Variants in UGGT2 observed in about 807,000 individuals in gnomAD.
The protein encoded by UGGT2 is UDP-glucose glycoprotein glucosyltransferase 2.
UGGT2 carries 180 observed loss-of-function variants against 192.1 expected under a neutral mutation model. The observed-to-expected ratio is 0.94, with a 90% CI of 0.83 to 1.06. The LOEUF (loss-of-function observed/expected upper bound fraction) is 1.06. Among genes scored for constraint, UGGT2 ranks in the 50% least tolerant of loss-of-function variants. The pLI, the probability that UGGT2 is intolerant of heterozygous loss-of-function variation, is 0.00. For synonymous variants in UGGT2, 580 were observed against 591.0 expected (o/e 0.98, Z 0.27); for missense variants, 1,849 against 1,795.7 (o/e 1.03, Z -0.54).
At chr13:95,836,197 T>C (rs1180693170) in intron 37 of UGGT2, among the ~76,000 whole-genome samples, 1 of 152,156 alleles carries the variant, frequency 6.6e-6, no homozygotes, top group African/African-American at 2.4e-5. Context: ...TACAGGCATG[T>C]GCCACCACGC....
intron 17 of UGGT2, among the ~76,000 whole-genome samples, chr13:95,929,054 C>T (rs1253738955): frequency 6.6e-6 from 1 of 152,044 alleles, no homozygotes; most frequent in African/African-American, 2.4e-5. Context: ...ACCAGTCAGG[C>T]GTGGCGGCGC....
At chr13:95,912,495 A>G (rs1447774029) in intron 20 of UGGT2, among the ~76,000 whole-genome samples, 2 of 152,220 alleles carry the variant, frequency 1.3e-5, no homozygotes, top group Admixed American at 1.3e-4. Context: ...GAATTGCTAC[A>G]AAGAGAATAA....
chr13:95,918,585 C>T lies in UGGT2; in HGVS notation c.2295+7095G>A, dbSNP rs151289209. Among the ~76,000 whole-genome samples the T allele has an allele frequency of 4.8e-4, 73 of 152,116 alleles. 1 individual carries two copies. The East Asian group carries it at 0.013, about 26-fold the overall frequency. ...ACTCTTCAAAAAAAATCAACCAATC[C>T]AGGACCTGTTTTTAGAAAAAAAGTA... On this transcript the variant is annotated intron_variant, in intron 20 of 38. Transcript: ENST00000376747.
intron 8 of UGGT2, among the ~76,000 whole-genome samples, chr13:95,988,779 A>T (rs139854890): frequency 2.0e-4 from 31 of 152,268 alleles, no homozygotes; most frequent in African/African-American, 7.2e-4. Flanking sequence ...TATTCTGTTA[A>T]GTGTATATAA....
intron 10 of UGGT2, among the ~76,000 whole-genome samples, chr13:95,978,916 T>C (rs1465911652): frequency 1.3e-5 from 2 of 152,208 alleles, no homozygotes; most frequent in African/African-American, 2.4e-5. Flanking sequence ...ACAAAGTAGT[T>C]AGAAATAATT....
chr13:95,995,897 A>T (rs1232830108), intron 7 of UGGT2, 166 bp downstream of exon 7: 4 of 609,948 alleles, frequency 6.6e-6, no homozygotes, highest in Non-Finnish European at 1.1e-5. Flanking sequence ...GCTTTTTGAC[A>T]TTAGCCATGT....
At chr13:95,925,992 G>T in intron 19 of UGGT2, among the ~76,000 whole-genome samples, 1 of 151,632 alleles carries the variant, frequency 6.6e-6, no homozygotes, top group East Asian at 1.9e-4. Flanking sequence ...TGCTACAAGG[G>T]TAATTCATTA....
chr13:95,869,766 T>C (rs1157545807), intron 29 of UGGT2, among the ~76,000 whole-genome samples: 1 of 152,152 alleles, frequency 6.6e-6, no homozygotes, highest in Non-Finnish European at 1.5e-5. Flanking sequence ...TCAGAGGAAA[T>C]GGACTTCATT....
At chr13:95,852,650 T>C (rs1594150138) in intron 36 of UGGT2, among the ~76,000 whole-genome samples, 2 of 152,260 alleles carry the variant, frequency 1.3e-5, no homozygotes, top group East Asian at 3.9e-4. Flanking sequence ...ATGGTTGTGA[T>C]AAAAATAAGA....
chr13:95,906,183 C>T (rs1264546452), intron 20 of UGGT2, among the ~76,000 whole-genome samples: 1 of 152,082 alleles, frequency 6.6e-6, no homozygotes, highest in Non-Finnish European at 1.5e-5. Flanking sequence ...TGACAATTTC[C>T]ACAAAAATTT....
At chr13:96,053,029 G>T in intron 1 of UGGT2, 126 bp downstream of exon 1, 2 of 1,289,740 alleles carry the variant, frequency 1.6e-6, no homozygotes, top group Non-Finnish European at 2.0e-6. Flanking sequence ...TGATGCTCAG[G>T]GCCAGAGCGG....
intron 2 of UGGT2, among the ~76,000 whole-genome samples, chr13:96,028,489 T>C (rs1033417784): frequency 6.6e-6 from 1 of 152,232 alleles, no homozygotes; most frequent in Admixed American, 6.5e-5. Flanking sequence ...GGGTGACATT[T>C]CTCACCTCAC....
chr13:95,883,873 GT>G (rs1327884482), intron 27 of UGGT2, among the ~76,000 whole-genome samples: 1 of 151,984 alleles, frequency 6.6e-6, no homozygotes, highest in African/African-American at 2.4e-5. Context: ...AAAAGACTCA[GT>G]TTAATACTTT....
At chr13:95,962,071 G>A (rs758882021) in intron 12 of UGGT2, among the ~76,000 whole-genome samples, 1 of 152,000 alleles carries the variant, frequency 6.6e-6, no homozygotes, top group Non-Finnish European at 1.5e-5. Flanking sequence ...AAAACCTGTG[G>A]GATATAGCAA....
intron 7 of UGGT2, among the ~76,000 whole-genome samples, chr13:95,995,661 A>G (rs1373762892): frequency 6.6e-6 from 1 of 152,120 alleles, no homozygotes; most frequent in African/African-American, 2.4e-5. Flanking sequence ...GTCCTGTTCT[A>G]TGGGACTGTT....
chr13:95,941,547 G>C (rs2049680239), intron 15 of UGGT2, among the ~76,000 whole-genome samples: 1 of 152,052 alleles, frequency 6.6e-6, no homozygotes, highest in Non-Finnish European at 1.5e-5. Flanking sequence ...ACAAAAATGA[G>C]ACTCTGAATA....
At position 95,922,542 on chromosome 13, in the gene UGGT2, C is replaced by G. The variant is rs571304233; in HGVS notation, c.2295+3138G>C. On this transcript the variant is annotated intron_variant, in intron 20 of 38. Coordinates refer to ENST00000376747, the MANE Select transcript of UGGT2 (RefSeq NM_020121.4). The stretch of plus-strand genomic sequence containing the variant: ...AATACAAATAAGAAGCCATCTTTGG[C>G]CAGGCACAGTGGCTCACGCCTGTAA... Among the ~76,000 whole-genome samples, 21 of 152,324 alleles carry G rather than the reference C, an allele frequency of 1.4e-4. No homozygotes were observed. The South Asian group carries it at 4.2e-3, about 30-fold the overall frequency.
chr13:95,845,699 G>A (rs1181229375), intron 36 of UGGT2, among the ~76,000 whole-genome samples: 2 of 151,894 alleles, frequency 1.3e-5, no homozygotes, highest in Non-Finnish European at 2.9e-5. Flanking sequence ...CTCCCAGACA[G>A]GGTGGCGGCT....
At chr13:95,950,971 G>C (rs531902621) in intron 12 of UGGT2, among the ~76,000 whole-genome samples, 1 of 152,222 alleles carries the variant, frequency 6.6e-6, no homozygotes, top group African/African-American at 2.4e-5. Context: ...AAAAATCCAA[G>C]AGGAAAGGAG....
Sources: gnomAD v4.1 joint callset for allele counts (sites outside exome capture counted in the v4.1 genomes callset) on GRCh38, gnomAD v4.1.1 for gene constraint, MANE v1.5 for transcripts, NCBI Gene and HGNC (gene_info 2026-07-23, HGNC 2026-07-21) for gene names.